SPIRE1: variants seen among roughly 807,000 people sequenced by gnomAD.
SPIRE1 encodes spire type actin nucleation factor 1, also known as protein spire homolog 1.
A neutral mutation model predicts 94.1 loss-of-function variants in SPIRE1; 40 were observed. The observed-to-expected ratio is 0.43, with a 90% CI of 0.33 to 0.55. SPIRE1 has a LOEUF of 0.55. Ranked by LOEUF, SPIRE1 falls within the 20% of genes least tolerant of loss-of-function variation. SPIRE1 has a pLI of 0.06. For synonymous variants in SPIRE1, 376 were observed against 371.7 expected, an observed-to-expected ratio of 1.01 and a Z score of -0.13; for missense variants, 838 against 975.2, an observed-to-expected ratio of 0.86 and a Z score of 1.87.
rs1471356041 is a variant in SPIRE1 at position 12,626,042 on chromosome 18, G to C, written c.372+9020C>G. Among the ~76,000 whole-genome samples the C allele has an allele frequency of 3.2e-3, 385 of 122,032 alleles. 1 individual carries two copies. Among genetic ancestry groups the C allele is most frequent in the Middle Eastern group, 8.8e-3 (2 of 226 alleles). 80.1% of individuals were successfully genotyped at this position (122,032 alleles called of 152,430 possible). ...GAGACTCCATTCCCCACACCGCCCC[G>C]CCCCCCCCCAAAAAAAGGAAATACA... is the stretch of plus-strand genomic sequence containing the variant. On this transcript the variant is annotated intron_variant, in intron 2 of 16. Coordinates refer to ENST00000409402, the MANE Select transcript of SPIRE1 (RefSeq NM_001128626.2).
chr18:12,582,758 C>T lies in SPIRE1; in HGVS notation c.373-35854G>A, dbSNP rs80037025. Reference sequence around the variant, plus strand: ...TTTTTTATAGCTTTCTAGATGATTCCAATGATCAGCTGTTCATTCATCCAT... The same window carrying T: ...TTTTTTATAGCTTTCTAGATGATTCTAATGATCAGCTGTTCATTCATCCAT... On this transcript the variant is annotated intron_variant, in intron 2 of 16. Coordinates refer to ENST00000409402, the MANE Select transcript of SPIRE1 (RefSeq NM_001128626.2). Among the ~76,000 whole-genome samples, 466 of 152,236 alleles carry T rather than the reference C, an allele frequency of 3.1e-3. 2 individuals carry two copies. Among genetic ancestry groups the T allele is most frequent in the African/African-American group, 0.011 (445 of 41,536 alleles).
intron 6 of SPIRE1, among the ~76,000 whole-genome samples, chr18:12,498,546 C>A (rs141298767): frequency 0.012 from 1,899 of 152,186 alleles, 37 homozygotes; most frequent in African/African-American, 0.043. Flanking sequence ...GGGCGCCCGG[C>A]CCAACAAAAA....
At position 12,452,236 on chromosome 18, in the gene SPIRE1, AC is replaced by A. The variant is rs1379379798; in HGVS notation, c.2012+18del. ...TTCTTCTGCAAAGGATGGTTTGACA[AC>A]CCAGGCCCCTTGCTCACCTGGCAAT... On this transcript the variant is annotated intron_variant, in intron 16 of 16. Transcript: ENST00000409402. 2.5e-6 allele frequency: 4 copies of A among 1,612,970 alleles called. No individual in the cohort carries two copies. The African/African-American group carries it at 5.3e-5, about 22-fold the overall frequency.
intron 9 of SPIRE1, 74 bp downstream of exon 9, chr18:12,485,885 G>A (rs2033019543): frequency 9.2e-7 from 1 of 1,087,216 alleles, no homozygotes; most frequent in South Asian, 1.4e-5. Context: ...GTTTGAACAA[G>A]CAGATGAATG....
chr18:12,540,499 C>T (rs1037787041), intron 3 of SPIRE1, among the ~76,000 whole-genome samples: 2 of 152,194 alleles, frequency 1.3e-5, no homozygotes, highest in Non-Finnish European at 2.9e-5. Flanking sequence ...CCTCAGCCTC[C>T]CAAGTAGCTG....
chr18:12,557,644 G>A (rs2035555976), intron 2 of SPIRE1, among the ~76,000 whole-genome samples: 1 of 152,132 alleles, frequency 6.6e-6, no homozygotes, highest in South Asian at 2.1e-4. Context: ...AGTGGATGCT[G>A]AGGCCTGAGG....
At chr18:12,544,112 T>A (rs1027775209) in intron 3 of SPIRE1, among the ~76,000 whole-genome samples, 1 of 152,230 alleles carries the variant, frequency 6.6e-6, no homozygotes, top group Admixed American at 6.5e-5. Flanking sequence ...GGTTGTGATA[T>A]TCTCCAATAA....
chr18:12,571,596 T>C (rs932545063), intron 2 of SPIRE1, among the ~76,000 whole-genome samples: 2 of 152,216 alleles, frequency 1.3e-5, no homozygotes, highest in African/African-American at 4.8e-5. Flanking sequence ...CTTCATAAAA[T>C]GATCTCACAT....
At chr18:12,547,730 T>C (rs943025351) in intron 2 of SPIRE1, among the ~76,000 whole-genome samples, 1 of 152,224 alleles carries the variant, frequency 6.6e-6, no homozygotes, top group East Asian at 1.9e-4. Context: ...TCACTTGAGG[T>C]CAGGAGTTCG....
intron 1 of SPIRE1, 58 bp from the exon 2 acceptor site, chr18:12,635,154 A>T: frequency 1.1e-6 from 1 of 931,060 alleles, no homozygotes; most frequent in Admixed American, 2.3e-5. Flanking sequence ...TAAATCATTG[A>T]TAAAAATATT....
intron 3 of SPIRE1, among the ~76,000 whole-genome samples, chr18:12,544,770 A>G (rs1247264310): frequency 6.6e-6 from 1 of 152,238 alleles, no homozygotes; most frequent in Admixed American, 6.5e-5. Context: ...CTAAATGTCC[A>G]ATAATTTTTT....
chr18:12,567,474 T>G (rs761137963), intron 2 of SPIRE1, among the ~76,000 whole-genome samples: 15 of 152,160 alleles, frequency 9.9e-5, no homozygotes, highest in Non-Finnish European at 1.5e-4. Context: ...AAAGTTTATA[T>G]AAAAAGGCAA....
intron 10 of SPIRE1, among the ~76,000 whole-genome samples, chr18:12,470,251 T>A (rs2032299403): frequency 6.6e-6 from 1 of 152,174 alleles, no homozygotes; most frequent in South Asian, 2.1e-4. Context: ...GGCCACCATG[T>A]GTGGCCAGTA....
chr18:12,498,155 G>C (rs1185554180), intron 6 of SPIRE1, among the ~76,000 whole-genome samples: 3 of 152,122 alleles, frequency 2.0e-5, no homozygotes, highest in Non-Finnish European at 4.4e-5. Flanking sequence ...TATCATACTG[G>C]CCCTCAAAAA....
chr18:12,500,204 C>T (rs1368287133), intron 6 of SPIRE1, among the ~76,000 whole-genome samples: 4 of 152,146 alleles, frequency 2.6e-5, no homozygotes, highest in Non-Finnish European at 2.9e-5. Flanking sequence ...GTGATAGGTA[C>T]GCTAGAAACC....
At chr18:12,564,338 G>A (rs911941474) in intron 2 of SPIRE1, among the ~76,000 whole-genome samples, 3 of 151,986 alleles carry the variant, frequency 2.0e-5, no homozygotes, top group Admixed American at 6.6e-5. Context: ...TAAAGGGGGC[G>A]AATTAGAGAA....
chr18:12,539,576 T>A (rs7407046), intron 3 of SPIRE1, among the ~76,000 whole-genome samples: 1 of 144,548 alleles, frequency 6.9e-6, no homozygotes, highest in African/African-American at 2.6e-5. Flanking sequence ...AACATACACA[T>A]ACACACACAC....
intron 2 of SPIRE1, among the ~76,000 whole-genome samples, chr18:12,622,344 G>A (rs2037495397): frequency 6.6e-6 from 1 of 151,038 alleles, no homozygotes; most frequent in Admixed American, 6.6e-5. Context: ...AACAACAGAA[G>A]AATGATCACA....
intron 1 of SPIRE1, among the ~76,000 whole-genome samples, chr18:12,643,982 T>A (rs1486923775): frequency 1.4e-5 from 2 of 147,246 alleles, no homozygotes; most frequent in Non-Finnish European, 3.0e-5. Context: ...TCATTTGAGG[T>A]CAGGAGTTTG....
Sources: gnomAD v4.1 joint callset for allele counts (sites outside exome capture counted in the v4.1 genomes callset) on GRCh38, gnomAD v4.1.1 for gene constraint, MANE v1.5 for transcripts, NCBI Gene and HGNC (gene_info 2026-07-23, HGNC 2026-07-21) for gene names.